Variants in PCDHA1 observed in about 807,000 individuals in gnomAD.
PCDHA1 encodes protocadherin alpha-1.
PCDHA1 carries 42 observed loss-of-function variants against 61.3 expected under a neutral mutation model. The ratio of observed to expected loss-of-function variants is 0.69; its 90% CI spans 0.54 to 0.89. PCDHA1 has a LOEUF of 0.89. Ranked by LOEUF, PCDHA1 falls within the 40% of genes least tolerant of loss-of-function variation. The pLI, the probability that PCDHA1 is intolerant of heterozygous loss-of-function variation, is 0.00. For synonymous variants in PCDHA1, 610 were observed against 553.8 expected (o/e 1.10, Z -1.43); for missense variants, 1,256 against 1,235.3 (o/e 1.02, Z -0.25).
chr5:140,969,061 T>C (rs782313439), intron 1 of PCDHA1: 25 of 1,614,070 alleles, frequency 1.5e-5, no homozygotes, highest in Non-Finnish European at 4.2e-6. Flanking sequence ...ACAATATTGA[T>C]GCCAGGATAC....
chr5:140,972,235 G>A (rs1368131761), intron 1 of PCDHA1, among the ~76,000 whole-genome samples: 2 of 151,838 alleles, frequency 1.3e-5, no homozygotes, highest in African/African-American at 4.8e-5. Context: ...GACCTTCTGG[G>A]CTCAAGCAAT....
At position 140,850,247 on chromosome 5, in the gene PCDHA1, G is replaced by T; in HGVS notation, c.2394+61563G>T. On this transcript the variant is annotated intron_variant, in intron 1 of 3. Coordinates refer to ENST00000504120, the MANE Select transcript of PCDHA1 (RefSeq NM_018900.4). ...CAGTGAGCGAGATGGTGCTGCGGTC[G>T]GTGGGCGCCGGCGTAGTGGTGGGGA... is the stretch of plus-strand genomic sequence containing the variant. 10 of 1,593,682 alleles carry T rather than the reference G, an allele frequency of 6.3e-6. 1 individual carries two copies. Among genetic ancestry groups the T allele is most frequent in the Non-Finnish European group, 8.6e-6 (10 of 1,166,960 alleles).
intron 1 of PCDHA1, among the ~76,000 whole-genome samples, chr5:140,893,800 T>C (rs1483033571): frequency 6.6e-6 from 1 of 152,174 alleles, no homozygotes; most frequent in Non-Finnish European, 1.5e-5. Flanking sequence ...ATTCCCTCCT[T>C]GTCTTGAGTC....
Position 140,829,888 on chromosome 5 carries a change from C to G in PCDHA1, c.2394+41204C>G, listed in dbSNP as rs150204488. 7.0e-4 allele frequency: 1,137 copies of G among 1,613,910 alleles called. 4 individuals carry two copies. In the African/African-American group the frequency reaches 7.9e-3, roughly 11 times the overall value. On this transcript the variant is annotated intron_variant, in intron 1 of 3. Transcript: ENST00000504120. ...TGGCGAAGGTGCGCGCAGTTGACGCCGACTCAGGCTACAACGCGTGGCTTT... is the reference window on the plus strand; with the variant it reads ...TGGCGAAGGTGCGCGCAGTTGACGCGGACTCAGGCTACAACGCGTGGCTTT...
intron 1 of PCDHA1, chr5:140,870,818 C>A: frequency 6.2e-7 from 1 of 1,613,692 alleles, no homozygotes; most frequent in Non-Finnish European, 8.5e-7. Context: ...GCTGGCAGCG[C>A]GGGAGGCGCA....
chr5:141,009,707 A>C lies in PCDHA1; in HGVS notation c.2623A>C (p.Asn875His). 6.2e-7 allele frequency: 1 copy of C among 1,614,144 alleles called. No individual in the cohort carries two copies. Among genetic ancestry groups the C allele is most frequent in the African/African-American group, 1.3e-5 (1 of 75,024 alleles). The change falls in exon 4 of 4, where the codon AAC becomes CAC. Residue 875 changes from asparagine (N) to histidine (H), a missense_variant. By Grantham distance (68) the Asn-to-His change is moderately conservative. Transcript: ENST00000504120. ...CTGGACCTTTAAATACGGACCAGGC[A>C]ACCCCAAACAATCCGGTCCCGGTGA... is the stretch of plus-strand genomic sequence containing the variant. ...NSWTFKYGPG[N>H]PKQSGPGELP...
chr5:140,959,780 A>G (rs2095510657), intron 1 of PCDHA1, among the ~76,000 whole-genome samples: 1 of 152,262 alleles, frequency 6.6e-6, no homozygotes. Flanking sequence ...AACAGTGTAT[A>G]TTAACATGGC....
chr5:140,794,845 C>A (rs1761883709), intron 1 of PCDHA1: 9 of 1,136,824 alleles, frequency 7.9e-6, no homozygotes, highest in Non-Finnish European at 8.7e-6. Flanking sequence ...CCCAGAGCCC[C>A]TTTGTTACTT....
intron 1 of PCDHA1, chr5:140,804,381 G>A (rs1763384494): frequency 6.6e-6 from 1 of 151,794 alleles, no homozygotes; most frequent in Non-Finnish European, 1.5e-5. Context: ...ATATCAATAT[G>A]AAGTGAAAAT....
intron 1 of PCDHA1, among the ~76,000 whole-genome samples, chr5:140,817,842 A>G (rs1223814016): frequency 4.6e-5 from 7 of 152,112 alleles, no homozygotes; most frequent in Admixed American, 3.9e-4. Context: ...TTTTACTATC[A>G]CTTTTGAGAA....
At chr5:140,936,446 C>G (rs1200299868) in intron 1 of PCDHA1, among the ~76,000 whole-genome samples, 1 of 152,164 alleles carries the variant, frequency 6.6e-6, no homozygotes, top group Non-Finnish European at 1.5e-5. Flanking sequence ...TAAATAACCA[C>G]ATCTGTTTAG....
intron 1 of PCDHA1, among the ~76,000 whole-genome samples, chr5:140,954,160 A>G (rs1231258623): frequency 6.6e-6 from 1 of 152,188 alleles, no homozygotes; most frequent in Non-Finnish European, 1.5e-5. Flanking sequence ...TATATGTACC[A>G]CATTTTCTTT....
At chr5:140,822,545 G>A in intron 1 of PCDHA1, 1 of 1,613,682 alleles carries the variant, frequency 6.2e-7, no homozygotes. Context: ...GCACCAAGTG[G>A]GACATTAGTT....
At chr5:140,967,492 G>C in intron 1 of PCDHA1, 1 of 1,613,380 alleles carries the variant, frequency 6.2e-7, no homozygotes, top group Non-Finnish European at 8.5e-7. Flanking sequence ...GTACGGCACA[G>C]ATCTCTGTGC....
intron 1 of PCDHA1, chr5:140,816,131 T>C (rs1255867956): frequency 2.6e-5 from 4 of 152,222 alleles, no homozygotes; most frequent in Non-Finnish European, 4.4e-5. Flanking sequence ...GAAACTGTCA[T>C]AATGAGTAGA....
intron 1 of PCDHA1, chr5:140,868,985 C>A: frequency 1.3e-6 from 2 of 1,500,940 alleles, no homozygotes; most frequent in Non-Finnish European, 1.8e-6. Context: ...ATACCGGATG[C>A]CACCGTTTAA....
rs782467193 is a variant in PCDHA1, at chr5:140,884,498, G to A, written c.2395-94451G>A. 8.1e-6 allele frequency: 13 copies of A among 1,613,958 alleles called. No homozygotes were observed. The Admixed American group carries it at 8.3e-5, about 10-fold the overall frequency. On this transcript the variant is annotated intron_variant, in intron 1 of 3. Transcript: ENST00000504120. ...CAAGCCCACTCTAGTGTGCTCCAGC[G>A]CGGCAGGGAGTTGGTCGTACTCGCA...
intron 1 of PCDHA1, among the ~76,000 whole-genome samples, chr5:140,938,740 A>T (rs1308554709): frequency 1.3e-5 from 2 of 152,150 alleles, no homozygotes; most frequent in East Asian, 3.8e-4. Flanking sequence ...AAAAATAATT[A>T]TTTTTAAAGG....
chr5:140,891,861 T>C (rs1346164388), intron 1 of PCDHA1, among the ~76,000 whole-genome samples: 1 of 152,174 alleles, frequency 6.6e-6, no homozygotes, highest in Non-Finnish European at 1.5e-5. Context: ...GTCCCTCTCT[T>C]ATGCTTTTGG....
Sources: gnomAD v4.1 joint callset for allele counts (sites outside exome capture counted in the v4.1 genomes callset) on GRCh38, gnomAD v4.1.1 for gene constraint, MANE v1.5 for transcripts, NCBI Gene and HGNC (gene_info 2026-07-23, HGNC 2026-07-21) for gene names.